Variants in TTC38 observed in about 807,000 individuals in gnomAD.
TTC38 encodes tetratricopeptide repeat protein 38.
A neutral mutation model predicts 64.2 loss-of-function variants in TTC38; 64 were observed. The ratio of observed to expected loss-of-function variants is 1.00; its 90% CI spans 0.81 to 1.23. TTC38 has a LOEUF of 1.23. TTC38 is among the 50% of genes most tolerant of loss of function. The pLI, the probability that TTC38 is intolerant of heterozygous loss-of-function variation, is 0.00. For missense variants in TTC38, 573 were observed against 615.5 expected, an observed-to-expected ratio of 0.93 and a Z score of 0.73; for synonymous variants, 254 against 249.3, an observed-to-expected ratio of 1.02 and a Z score of -0.18.
At position 46,292,465 on chromosome 22, in the gene TTC38, T is replaced by A. The variant is rs1482581872; in HGVS notation, c.1317-326T>A. The A allele has an allele frequency of 2.4e-5, 9 of 372,198 alleles. No homozygotes were observed. The highest frequency in any genetic ancestry group is 4.6e-5 in the Non-Finnish European group (9 of 195,764). The allele number at this position is 372,198 out of a possible 1,614,324, so 23.1% of individuals were successfully genotyped here. A position where few individuals can be genotyped will look rare whatever the true frequency, so the allele number is the denominator to read the frequency against. On this transcript the variant is annotated intron_variant, in intron 13 of 13. Coordinates refer to ENST00000381031, the MANE Select transcript of TTC38 (RefSeq NM_017931.4). The surrounding 1 kb of genome is among the most constrained non-coding windows in gnomAD (Gnocchi z 6.5). Reference sequence around the variant, plus strand: ...GGGCATTTGGGCTTCAACATATACATTTAGCCTGGACACAGACATTCAGTC... The same window carrying A: ...GGGCATTTGGGCTTCAACATATACAATTAGCCTGGACACAGACATTCAGTC...
rs2077537597 is a variant in TTC38, at chr22:46,281,850, C to T, written c.735+132C>T. 1 of 1,224,686 alleles carries T rather than the reference C, an allele frequency of 8.2e-7. No homozygotes were observed. Among genetic ancestry groups the T allele is most frequent in the South Asian group, 1.3e-5 (1 of 74,800 alleles). 75.9% of individuals were successfully genotyped at this position (1,224,686 alleles called of 1,614,324 possible). A position where few individuals can be genotyped will look rare whatever the true frequency, so the allele number is the denominator to read the frequency against. On this transcript the variant is annotated intron_variant, in intron 7 of 13. Transcript: ENST00000381031. This position sits in a 1 kb window ranked among gnomAD's most constrained non-coding sequence, Gnocchi z 5.2. ...GGTTCCCTCTCCTCCTCCACCTGCACCTGCCTCAGGTGTTTGGCTGCTGAG... is the reference window on the plus strand; with the variant it reads ...GGTTCCCTCTCCTCCTCCACCTGCATCTGCCTCAGGTGTTTGGCTGCTGAG...
chr22:46,273,249 C>T lies in TTC38; in HGVS notation c.194-649C>T, dbSNP rs894541214. On this transcript the variant is annotated intron_variant, in intron 3 of 13. Transcript: ENST00000381031. The surrounding 1 kb of genome is among the most constrained non-coding windows in gnomAD (Gnocchi z 5.1). ...ATCATCAGCTGGGCTGGGCTGGGCTCGACCATCGGAATCACCAGCTGTTTT... is the reference window on the plus strand; with the variant it reads ...ATCATCAGCTGGGCTGGGCTGGGCTTGACCATCGGAATCACCAGCTGTTTT... 1.3e-5 allele frequency among the ~76,000 whole-genome samples: 2 copies of T among 152,012 alleles called. No homozygotes were observed. Among genetic ancestry groups the T allele is most frequent in the Non-Finnish European group, 2.9e-5 (2 of 67,978 alleles).
intron 9 of TTC38, 135 bp downstream of exon 9, chr22:46,285,414 G>C: frequency 1.2e-6 from 1 of 847,688 alleles, no homozygotes; most frequent in Non-Finnish European, 2.0e-6. Flanking sequence ...TCTTGTGTAA[G>C]GCCTCATGGG....
chr22:46,292,737 C>T lies in TTC38; in HGVS notation c.1317-54C>T, dbSNP rs1454882817. 14 of 1,480,826 alleles carry T rather than the reference C, an allele frequency of 9.5e-6. No homozygotes were observed. The African/African-American group carries it at 1.5e-4, about 16-fold the overall frequency. 91.7% of individuals were successfully genotyped at this position (1,480,826 alleles called of 1,614,324 possible). On this transcript the variant is annotated intron_variant, in intron 13 of 13. Transcript: ENST00000381031. This position sits in a 1 kb window ranked among gnomAD's most constrained non-coding sequence, Gnocchi z 6.5. ...GCCTTGGGACCAAGGGACCACCAGG[C>T]CCCACATCCCTCTAGAAGGTTCTGT...
chr22:46,269,251 G>C (rs151162238), intron 2 of TTC38: 3 of 313,698 alleles, frequency 9.6e-6, no homozygotes, highest in Admixed American at 4.7e-5. Flanking sequence ...TGCAGGGCTC[G>C]GCTGCTTAGG....
chr22:46,271,402 C>T lies in TTC38; in HGVS notation c.112-933C>T, dbSNP rs1183114822. 2.0e-5 allele frequency among the ~76,000 whole-genome samples: 3 copies of T among 151,830 alleles called. No individual in the cohort carries two copies. Among genetic ancestry groups the T allele is most frequent in the African/African-American group, 4.8e-5 (2 of 41,338 alleles). On this transcript the variant is annotated intron_variant, in intron 2 of 13. Coordinates refer to ENST00000381031, the MANE Select transcript of TTC38 (RefSeq NM_017931.4). This position sits in a 1 kb window ranked among gnomAD's most constrained non-coding sequence, Gnocchi z 5.5. ...TGATTTTTTGTATCTTTAGTAGAGACGGGGGTTTCACCGTGTTAGCCAGGA... is the reference window on the plus strand; with the variant it reads ...TGATTTTTTGTATCTTTAGTAGAGATGGGGGTTTCACCGTGTTAGCCAGGA...
rs373708860 is a variant in TTC38 at position 46,268,520 on chromosome 22, A to C, written c.40A>C (p.Lys14Gln). The C allele has an allele frequency of 5.0e-6, 8 of 1,613,964 alleles. No individual in the cohort carries two copies. Among genetic ancestry groups the C allele is most frequent in the African/African-American group, 2.7e-5 (2 of 74,930 alleles). ...CCCTTCTTGCCGTCTGTAGGCCTGG[A>C]AGGATGCGAGGCTCCCGCTCTCCAC... ...ASPLRDCQAWKDARLPLSTTS... is the reference protein window; with the variant it reads ...ASPLRDCQAWQDARLPLSTTS... Residue 14 changes from lysine (K) to glutamine (Q), a missense_variant, in exon 2 of 14, where the codon AAG becomes CAG. Lys to Gln is a moderately conservative substitution (Grantham distance 53). This residue lies in a region of TTC38 where 134 missense variants were observed against 126.5 expected (regional missense o/e 1.06). Transcript: ENST00000381031.
At chr22:46,277,617 A>C (rs2077502202) in intron 5 of TTC38, among the ~76,000 whole-genome samples, 2 of 150,020 alleles carry the variant, frequency 1.3e-5, no homozygotes, top group Admixed American at 1.3e-4. Flanking sequence ...AAAAAAAAAA[A>C]AAAAAAAAAA....
chr22:46,289,608 A>C, intron 12 of TTC38, 47 bp downstream of exon 12: 1 of 1,547,578 alleles, frequency 6.5e-7, no homozygotes, highest in Non-Finnish European at 8.7e-7. Context: ...TGGGCCAGGG[A>C]GTCTGGGCGC....
chr22:46,269,951 C>T (rs1208221621), intron 2 of TTC38, among the ~76,000 whole-genome samples: 1 of 152,190 alleles, frequency 6.6e-6, no homozygotes, highest in Admixed American at 6.5e-5. Context: ...CACCATCATA[C>T]CCAGCTGATT....
Position 46,270,588 on chromosome 22 carries a change from T to G in TTC38, c.112-1747T>G, listed in dbSNP as rs915134121. 2.0e-5 allele frequency among the ~76,000 whole-genome samples: 3 copies of G among 152,130 alleles called. No homozygotes were observed. Among genetic ancestry groups the G allele is most frequent in the Non-Finnish European group, 4.4e-5 (3 of 68,022 alleles). On this transcript the variant is annotated intron_variant, in intron 2 of 13. Transcript: ENST00000381031. The surrounding 1 kb of genome is among the most constrained non-coding windows in gnomAD (Gnocchi z 4.7). ...TGACTCACGCCTGTAATCCCAGCAC[T>G]TTGGGAGGCTGAGGCAGGTGGATCA...
intron 6 of TTC38, among the ~76,000 whole-genome samples, chr22:46,278,862 G>T (rs1219259512): frequency 6.6e-6 from 1 of 152,218 alleles, no homozygotes; most frequent in African/African-American, 2.4e-5. Flanking sequence ...CCCCCCCAAA[G>T]TCCCCAGAGC....
intron 9 of TTC38, 132 bp downstream of exon 9, chr22:46,285,411 T>A: frequency 1.1e-6 from 1 of 880,822 alleles, no homozygotes; most frequent in Non-Finnish European, 1.9e-6. Flanking sequence ...ATTTCTTGTG[T>A]AAGGCCTCAT....
chr22:46,280,157 C>T (rs1462482545), intron 6 of TTC38: 2 of 471,118 alleles, frequency 4.2e-6, no homozygotes, highest in African/African-American at 4.0e-5. Flanking sequence ...AGTGGTAACA[C>T]ATGGGCTCTG....
rs559362754 is a variant in TTC38, at chr22:46,274,982, C to A, written c.366-266C>A. On this transcript the variant is annotated intron_variant, in intron 4 of 13. Coordinates refer to ENST00000381031, the MANE Select transcript of TTC38 (RefSeq NM_017931.4). The surrounding 1 kb of genome is among the most constrained non-coding windows in gnomAD (Gnocchi z 4.8). ...GGATTACAGGCACATATCACCACAC[C>A]CTGCTCATTTTTGTATTTTTAGTAG... Among the ~76,000 whole-genome samples the A allele has an allele frequency of 2.8e-4, 43 of 152,228 alleles. No individual in the cohort carries two copies. The highest frequency in any genetic ancestry group is 1.0e-3 in the African/African-American group (43 of 41,542).
rs780841102 is a variant in TTC38, at chr22:46,292,786, C to T, written c.1317-5C>T. 6.2e-7 allele frequency: 1 copy of T among 1,613,304 alleles called. No individual in the cohort carries two copies. The highest frequency in any genetic ancestry group is 1.7e-5 in the Admixed American group (1 of 60,018). On this transcript the variant is annotated splice_region_variant and splice_polypyrimidine_tract_variant and intron_variant, in intron 13 of 13. Coordinates refer to ENST00000381031, the MANE Select transcript of TTC38 (RefSeq NM_017931.4). The surrounding 1 kb of genome is among the most constrained non-coding windows in gnomAD (Gnocchi z 6.5). The stretch of plus-strand genomic sequence containing the variant: ...GTAACAGGACCTCTGTGTCTGTTTC[C>T]ACAGGAGCCTTCTGATGGAGCGTGA...
In TTC38 at chr22:46,275,154, G is replaced by A. The variant is rs138917428; in HGVS notation, c.366-94G>A. 2.8e-4 allele frequency: 350 copies of A among 1,242,068 alleles called. 1 individual carries two copies. The African/African-American group carries it at 4.5e-3, about 16-fold the overall frequency. The allele number at this position is 1,242,068 out of a possible 1,614,324, so 76.9% of individuals were successfully genotyped here. A position where few individuals can be genotyped will look rare whatever the true frequency, so the allele number is the denominator to read the frequency against. On this transcript the variant is annotated intron_variant, in intron 4 of 13. Transcript: ENST00000381031. The surrounding 1 kb of genome is among the most constrained non-coding windows in gnomAD (Gnocchi z 4.5). ...ATTTTTAAAAAAACACATCCATGTAGACCATGACACTGGTGAGAAACAATG... is the reference window on the plus strand; with the variant it reads ...ATTTTTAAAAAAACACATCCATGTAAACCATGACACTGGTGAGAAACAATG...
Position 46,272,958 on chromosome 22 carries a change from C to T in TTC38, c.193+542C>T, listed in dbSNP as rs967602621. 6.6e-6 allele frequency among the ~76,000 whole-genome samples: 1 copy of T among 152,130 alleles called. No individual in the cohort carries two copies. The highest frequency in any genetic ancestry group is 2.4e-5 in the African/African-American group (1 of 41,426). On this transcript the variant is annotated intron_variant, in intron 3 of 13. Coordinates refer to ENST00000381031, the MANE Select transcript of TTC38 (RefSeq NM_017931.4). The surrounding 1 kb of genome is among the most constrained non-coding windows in gnomAD (Gnocchi z 6.4). ...ACAGTGCATTGCAGGTGGGTGGTCC[C>T]GTGGTGCGGCAAGGTTCCGGGCCTG...
At chr22:46,284,302 G>A (rs1272277859) in intron 8 of TTC38, among the ~76,000 whole-genome samples, 6 of 152,198 alleles carry the variant, frequency 3.9e-5, no homozygotes, top group African/African-American at 1.4e-4. Context: ...ACTCCGCAGG[G>A]TGTACCTGCC....
Sources: gnomAD v4.1 joint callset for allele counts (sites outside exome capture counted in the v4.1 genomes callset) on GRCh38, gnomAD v4.1.1 for gene constraint, gnomAD v4.1.1 regional missense constraint, Gnocchi (gnomAD v3.1) non-coding constraint, MANE v1.5 for transcripts, NCBI Gene and HGNC (gene_info 2026-07-23, HGNC 2026-07-21) for gene names.